The following PALMD variants were observed in gnomAD, a reference collection of about 807,000 sequenced individuals.
The protein encoded by PALMD is palmdelphin.
PALMD carries 42 observed loss-of-function variants against 56.2 expected under a neutral mutation model. The observed-to-expected ratio is 0.75, with a 90% confidence interval of 0.58 to 0.97. PALMD has a LOEUF of 0.97. Ranked by LOEUF, PALMD falls within the 50% of genes least tolerant of loss-of-function variation. The probability of loss-of-function intolerance (pLI) is 0.00; values close to 1 mark genes in which losing one functional copy is unlikely to be tolerated. For synonymous variants in PALMD, 242 were observed against 222.9 expected (o/e 1.09, Z -0.76); for missense variants, 660 against 643.8 (o/e 1.03, Z -0.27).
intron 3 of PALMD, among the ~76,000 whole-genome samples, chr1:99,679,043 AC>A (rs1157308841): frequency 1.3e-5 from 2 of 151,948 alleles, no homozygotes; most frequent in South Asian, 4.2e-4. Flanking sequence ...ACTTCCATCG[AC>A]CGGCCTCAGA....
At chr1:99,683,146 G>T (rs1470975693) in intron 3 of PALMD, 4 of 122,342 alleles carry the variant, frequency 3.3e-5, no homozygotes, top group Admixed American at 2.3e-4. Context: ...AAGAAAGAAA[G>T]AAAGAAAGAA....
chr1:99,657,037 C>G (rs1358858634), intron 1 of PALMD, among the ~76,000 whole-genome samples: 2 of 152,208 alleles, frequency 1.3e-5, no homozygotes, highest in Admixed American at 6.5e-5. Context: ...AAATAAACTT[C>G]CATGTGGGTT....
Position 99,689,782 on chromosome 1 carries a change from G to A in PALMD, c.1522G>A (p.Glu508Lys). 6.2e-7 allele frequency: 1 copy of A among 1,613,800 alleles called. No homozygotes were observed. Among genetic ancestry groups the A allele is most frequent in the Non-Finnish European group, 8.5e-7 (1 of 1,179,836 alleles). ...SPHKNSISLK[E>K]QEESLGSPVH... ...CCACAAAAATTCCATATCTCTGAAA[G>A]AGCAAGAAGAAAGCTTAGGCAGCCC... Residue 508 changes from glutamate to lysine, a missense_variant, in exon 7 of 8, where the codon GAG (glutamate) becomes AAG (lysine). By Grantham distance (56) the Glu-to-Lys change is moderately conservative. Transcript: ENST00000263174.
Position 99,689,176 on chromosome 1 carries a change from G to A in PALMD, c.916G>A (p.Gly306Ser). 6.2e-7 allele frequency: 1 copy of A among 1,613,418 alleles called. No individual in the cohort carries two copies. Among genetic ancestry groups the A allele is most frequent in the Non-Finnish European group, 8.5e-7 (1 of 1,179,708 alleles). The change falls in exon 7 of 8, where the codon GGC (glycine) becomes AGC (serine). Residue 306 changes from glycine to serine, a missense_variant. By Grantham distance (56) the Gly-to-Ser change is moderately conservative. Transcript: ENST00000263174. ...IGVNESIHNM[G>S]NGLSEERGNN... ...TGTAAATGAATCCATACACAATATG[G>A]GCAATGGTCTTTCAGAGGAAAGGGG...
intron 3 of PALMD, among the ~76,000 whole-genome samples, chr1:99,678,606 G>C (rs1653269699): frequency 1.3e-5 from 2 of 152,106 alleles, no homozygotes; most frequent in African/African-American, 4.8e-5. Flanking sequence ...GTTTCCATGG[G>C]TAGAGCTGTA....
chr1:99,675,611 C>T (rs766966170), intron 3 of PALMD, among the ~76,000 whole-genome samples: 3 of 152,168 alleles, frequency 2.0e-5, no homozygotes, highest in African/African-American at 7.2e-5. Flanking sequence ...GTTTCTGTCC[C>T]ACCAGAGCAG....
intron 3 of PALMD, 155 bp downstream of exon 3, chr1:99,667,921 C>T: frequency 1.5e-6 from 1 of 648,118 alleles, no homozygotes; most frequent in Admixed American, 2.8e-5. Context: ...CACTGTCACC[C>T]AGGCTGGAGT....
intron 6 of PALMD, among the ~76,000 whole-genome samples, chr1:99,687,532 T>C (rs984800627): frequency 6.6e-6 from 1 of 152,204 alleles, no homozygotes; most frequent in Non-Finnish European, 1.5e-5. Context: ...AGATCTTTTT[T>C]GAAAATGAAA....
chr1:99,694,265 C>A lies in PALMD; in HGVS notation c.*203C>A. Reference sequence around the variant, plus strand: ...GGGGAAAACAAATGTGTAACTTTTCCAGTTACTTGACACGATTCAGTGGGG... The same window carrying A: ...GGGGAAAACAAATGTGTAACTTTTCAAGTTACTTGACACGATTCAGTGGGG... On this transcript the variant is annotated 3_prime_UTR_variant, in exon 8 of 8. Transcript: ENST00000263174. The A allele has an allele frequency of 2.2e-6, 1 of 450,170 alleles. No homozygotes were observed. Among genetic ancestry groups the A allele is most frequent in the Non-Finnish European group, 4.0e-6 (1 of 247,802 alleles). 27.9% of individuals were successfully genotyped at this position (450,170 alleles called of 1,614,324 possible).
intron 2 of PALMD, 147 bp from the exon 3 acceptor site, chr1:99,667,495 T>C: frequency 2.8e-6 from 2 of 706,014 alleles, no homozygotes; most frequent in Non-Finnish European, 5.0e-6. Flanking sequence ...TGAAAGAAAA[T>C]ACCAGATTTA....
At chr1:99,676,246 A>C (rs533369913) in intron 3 of PALMD, among the ~76,000 whole-genome samples, 10 of 152,250 alleles carry the variant, frequency 6.6e-5, no homozygotes, top group African/African-American at 2.4e-4. Flanking sequence ...GATCTTCCTT[A>C]TTATACACAT....
intron 3 of PALMD, among the ~76,000 whole-genome samples, chr1:99,675,867 G>A (rs1025182432): frequency 6.6e-6 from 1 of 152,012 alleles, no homozygotes; most frequent in Non-Finnish European, 1.5e-5. Context: ...ATGCCTACAC[G>A]GCAGTTTCAA....
chr1:99,651,257 C>T (rs1340253533), intron 1 of PALMD, among the ~76,000 whole-genome samples: 1 of 152,198 alleles, frequency 6.6e-6, no homozygotes, highest in Non-Finnish European at 1.5e-5. Flanking sequence ...AACATAACAG[C>T]CCACCCATAA....
At position 99,689,729 on chromosome 1, in the gene PALMD, C is replaced by T. The variant is rs1653611874; in HGVS notation, c.1469C>T (p.Pro490Leu). The change falls in exon 7 of 8, where the codon CCT becomes CTT. Residue 490 changes from proline to leucine, a missense_variant. Coordinates refer to ENST00000263174, the MANE Select transcript of PALMD (RefSeq NM_017734.5). ...CCTAGAAAAAGATCAGAAGCTAGTC[C>T]TCATGAAAACACAAATCATAAATCC... ...PLPRKRSEAS[P>L]HENTNHKSPH... The T allele has an allele frequency of 6.2e-7, 1 of 1,613,838 alleles. No homozygotes were observed. Among genetic ancestry groups the T allele is most frequent in the Non-Finnish European group, 8.5e-7 (1 of 1,179,890 alleles).
intron 3 of PALMD, among the ~76,000 whole-genome samples, chr1:99,674,381 A>T (rs1314569562): frequency 1.3e-5 from 2 of 152,272 alleles, no homozygotes. Flanking sequence ...CAATTCTCTG[A>T]GGGAAGTCTA....
At position 99,673,587 on chromosome 1, in the gene PALMD, C is replaced by T. The variant is rs61784993; in HGVS notation, c.251+5821C>T. 1.4e-3 allele frequency among the ~76,000 whole-genome samples: 38 copies of T among 28,106 alleles called. 1 individual carries two copies. The highest frequency in any genetic ancestry group is 3.3e-3 in the African/African-American group (36 of 10,846). 18.4% of individuals were successfully genotyped at this position (28,106 alleles called of 152,430 possible). ...CTAAGGTAATTACATGAGTCAAAAT[C>T]GTTCCAAGCATGTTTTTCACTCTCC... On this transcript the variant is annotated intron_variant, in intron 3 of 7. Transcript: ENST00000263174.
intron 1 of PALMD, among the ~76,000 whole-genome samples, chr1:99,660,822 G>A (rs2100858366): frequency 6.6e-6 from 1 of 152,214 alleles, no homozygotes; most frequent in East Asian, 1.9e-4. Flanking sequence ...GGATGTCAAG[G>A]CTACAGTGAG....
At chr1:99,660,068 A>G (rs1477205175) in intron 1 of PALMD, among the ~76,000 whole-genome samples, 1 of 152,228 alleles carries the variant, frequency 6.6e-6, no homozygotes, top group African/African-American at 2.4e-5. Flanking sequence ...TCCACCCCAC[A>G]AAACATGCTC....
rs141069057 is a variant in PALMD, at chr1:99,689,619, G to A, written c.1359G>A (p.Glu453=). 129 of 1,613,782 alleles carry A rather than the reference G, an allele frequency of 8.0e-5. No individual in the cohort carries two copies. In the African/African-American group the frequency reaches 1.6e-3, roughly 20 times the overall value. Residue 453 remains glutamate, a synonymous_variant, in exon 7 of 8, where the codon GAG becomes GAA. Coordinates refer to ENST00000263174, the MANE Select transcript of PALMD (RefSeq NM_017734.5). ...TTGTGATTGATGATGAGGAGGAGGA[G>A]GATGAAGGAGAAGCAGAGAAACCGT... ...ELVVIDDEEE[E]DEGEAEKPSY...
Sources: gnomAD v4.1 joint callset for allele counts (sites outside exome capture counted in the v4.1 genomes callset) on GRCh38, gnomAD v4.1.1 for gene constraint, MANE v1.5 for transcripts, NCBI Gene and HGNC (gene_info 2026-07-23, HGNC 2026-07-21) for gene names.